The following LRRC49 variants were observed in gnomAD, a reference collection of about 807,000 sequenced individuals.
The protein encoded by LRRC49 is leucine rich repeat containing 49, also known as leucine-rich repeat-containing protein 49.
LRRC49 carries 50 observed loss-of-function variants against 83.3 expected under a neutral mutation model. The observed-to-expected ratio is 0.60, with a 90% CI of 0.48 to 0.76. The LOEUF is 0.76. LRRC49 is among the 30% of genes least tolerant of loss of function. The pLI is 0.00. For missense variants in LRRC49, 704 were observed against 809.1 expected (o/e 0.87, Z 1.58); for synonymous variants, 286 against 283.3 (o/e 1.01, Z -0.10).
intron 2 of LRRC49, among the ~76,000 whole-genome samples, chr15:70,880,574 A>G (rs537178419): frequency 5.2e-5 from 8 of 152,382 alleles, no homozygotes; most frequent in East Asian, 3.9e-4. Context: ...AATATAAACT[A>G]TAAGTTCCTT....
upstream of LRRC49, chr15:70,892,308 T>G: frequency 6.4e-7 from 1 of 1,550,840 alleles, no homozygotes; most frequent in South Asian, 1.2e-5. Flanking sequence ...CCGGGTTCCC[T>G]GGACCTTCGC....
At chr15:70,901,526 G>T (rs1160684065) in intron 4 of LRRC49, among the ~76,000 whole-genome samples, 1 of 152,018 alleles carries the variant, frequency 6.6e-6, no homozygotes, top group African/African-American at 2.4e-5. Context: ...ATATCTCTAG[G>T]CTTATTGCCT....
chr15:71,007,316 A>G (rs2038491811), intron 11 of LRRC49, among the ~76,000 whole-genome samples: 1 of 152,018 alleles, frequency 6.6e-6, no homozygotes, highest in Non-Finnish European at 1.5e-5. Context: ...AGATGAAAAA[A>G]TATATAATCT....
intron 6 of LRRC49, among the ~76,000 whole-genome samples, chr15:70,916,800 G>T (rs2034795623): frequency 6.6e-6 from 1 of 152,178 alleles, no homozygotes; most frequent in South Asian, 2.1e-4. Context: ...GCAGACCTGG[G>T]CATCCCTGTG....
chr15:71,032,955 A>G (rs1218518007), intron 14 of LRRC49, among the ~76,000 whole-genome samples: 1 of 152,194 alleles, frequency 6.6e-6, no homozygotes, highest in East Asian at 1.9e-4. Flanking sequence ...CCAGCAGAAG[A>G]TAAGGATGCC....
chr15:70,919,083 G>A lies in LRRC49; in HGVS notation c.601G>A (p.Glu201Lys), dbSNP rs986547327. Reference protein sequence around the residue: ...TKIENINHLCELRVLNLARNF... With the variant: ...TKIENINHLCKLRVLNLARNF... The stretch of plus-strand genomic sequence containing the variant: ...AATTGAAAATATTAATCATTTGTGT[G>A]AGTTGAGAGTTTTAAATCTTGCCAG... Residue 201 changes from glutamate to lysine, a missense_variant, in exon 7 of 16, where the codon GAG (glutamate) becomes AAG (lysine). Glu to Lys is a moderately conservative substitution (Grantham distance 56, BLOSUM62 1). This residue lies in a region of LRRC49 where 261 missense variants were observed against 330.5 expected (regional missense o/e 0.79). Coordinates refer to ENST00000260382, the MANE Select transcript of LRRC49 (RefSeq NM_017691.5). 1.9e-6 allele frequency: 3 copies of A among 1,611,842 alleles called. No homozygotes were observed. The highest frequency in any genetic ancestry group is 1.6e-4 in the Middle Eastern group (1 of 6,070).
chr15:70,878,777 C>G (rs1466322061), intron 2 of LRRC49, among the ~76,000 whole-genome samples: 1 of 152,164 alleles, frequency 6.6e-6, no homozygotes, highest in Non-Finnish European at 1.5e-5. Flanking sequence ...GAATGTGAAA[C>G]CAGCCTCGTG....
At chr15:70,918,919 AT>A in intron 6 of LRRC49, 130 bp from the exon 7 acceptor site, 1 of 642,242 alleles carries the variant, frequency 1.6e-6, no homozygotes, top group Non-Finnish European at 2.6e-6. Context: ...TTGAAAATAG[AT>A]TTTTAAATGT....
intron 14 of LRRC49, among the ~76,000 whole-genome samples, chr15:71,036,861 A>G (rs766177387): frequency 6.6e-6 from 1 of 152,066 alleles, no homozygotes; most frequent in African/African-American, 2.4e-5. Flanking sequence ...TTGACCTACT[A>G]TATCTTTTTG....
At chr15:70,892,373 C>G, upstream of LRRC49, 2 of 1,546,906 alleles carry the variant, frequency 1.3e-6, no homozygotes, top group Non-Finnish European at 8.7e-7. Context: ...CCCTCCTCAC[C>G]TGTCCACTCC....
At chr15:71,031,704 C>A (rs1211172011) in intron 14 of LRRC49, among the ~76,000 whole-genome samples, 2 of 152,184 alleles carry the variant, frequency 1.3e-5, no homozygotes, top group Non-Finnish European at 2.9e-5. Context: ...TCAGAGATGC[C>A]CTGCCCAGTA....
intron 14 of LRRC49, among the ~76,000 whole-genome samples, chr15:71,014,182 C>T (rs761635705): frequency 4.6e-5 from 7 of 151,792 alleles, no homozygotes; most frequent in African/African-American, 4.8e-5. Context: ...AGAAAGAAAT[C>T]GGTAAAAATT....
chr15:70,936,765 A>T lies in LRRC49; in HGVS notation c.716A>T (p.Asp239Val). 6.2e-7 allele frequency: 1 copy of T among 1,604,260 alleles called. No individual in the cohort carries two copies. Among genetic ancestry groups the T allele is most frequent in the East Asian group, 2.2e-5 (1 of 44,778 alleles). The change falls in exon 8 of 16, where the codon GAT (aspartate) becomes GTT (valine). Residue 239 changes from aspartate (D) to valine (V), a missense_variant. This residue lies in a region of LRRC49 where 261 missense variants were observed against 330.5 expected (regional missense o/e 0.79). Coordinates refer to ENST00000260382, the MANE Select transcript of LRRC49 (RefSeq NM_017691.5). Reference protein sequence around the residue: ...LRHNQITFVRDVDNLPCLQHL... With the variant: ...LRHNQITFVRVVDNLPCLQHL... ...TTGCTGTCTATTTTCTTCCAGAGAG[A>T]TGTGGATAATTTGCCCTGCCTCCAA...
Position 70,883,474 on chromosome 15 carries a change from G to A in LRRC49, c.19-10110G>A, listed in dbSNP as rs185934523. On this transcript the variant is annotated intron_variant, in intron 2 of 16. Coordinates refer to the LRRC49 transcript ENST00000544974. Reference sequence around the variant, plus strand: ...CTCCCAAAGTGTTGGGTTTACAGGCGTGAGGCACCTCGCCCAACCAAGATG... The same window carrying A: ...CTCCCAAAGTGTTGGGTTTACAGGCATGAGGCACCTCGCCCAACCAAGATG... 4.1e-4 allele frequency among the ~76,000 whole-genome samples: 62 copies of A among 152,198 alleles called. 1 individual carries two copies. The highest frequency in any genetic ancestry group is 1.1e-3 in the African/African-American group (47 of 41,530).
chr15:70,862,240 T>C (rs1355413156), intron 1 of LRRC49, among the ~76,000 whole-genome samples: 1 of 152,066 alleles, frequency 6.6e-6, no homozygotes, highest in Non-Finnish European at 1.5e-5. Context: ...ATTCTCAACT[T>C]AAGTTGCATG....
At chr15:71,040,448 C>G (rs555842047) in intron 15 of LRRC49, among the ~76,000 whole-genome samples, 1 of 152,188 alleles carries the variant, frequency 6.6e-6, no homozygotes, top group African/African-American at 2.4e-5. Flanking sequence ...ATTAATATCC[C>G]TCATCAGTTG....
At chr15:70,962,610 A>G (rs1266337104) in intron 8 of LRRC49, among the ~76,000 whole-genome samples, 1 of 152,128 alleles carries the variant, frequency 6.6e-6, no homozygotes, top group Non-Finnish European at 1.5e-5. Context: ...GAAAGTGCTC[A>G]GAAAAAGAAA....
At chr15:70,902,655 G>T (rs962754612) in intron 4 of LRRC49, 1 of 152,240 alleles carries the variant, frequency 6.6e-6, no homozygotes, top group Non-Finnish European at 1.5e-5. Flanking sequence ...GAGCCTGAGG[G>T]GTCAAGGGCA....
intron 9 of LRRC49, among the ~76,000 whole-genome samples, chr15:70,972,933 G>A (rs2037064379): frequency 6.6e-6 from 1 of 152,038 alleles, no homozygotes; most frequent in African/African-American, 2.4e-5. Flanking sequence ...GTTAGAACAT[G>A]CTCCTTTAGC....
Sources: allele counts gnomAD v4.1 joint callset (sites outside exome capture counted in the v4.1 genomes callset), GRCh38; gene constraint gnomAD v4.1.1; regional missense constraint gnomAD v4.1.1; transcripts MANE v1.5; gene names NCBI Gene and HGNC (gene_info 2026-07-23, HGNC 2026-07-21).